The following DYRK4 variants were observed in gnomAD, a reference collection of about 807,000 sequenced individuals.
The protein encoded by DYRK4 is dual specificity tyrosine phosphorylation regulated kinase 4, also known as dual specificity tyrosine-phosphorylation-regulated kinase 4.
A neutral mutation model predicts 68.3 loss-of-function variants in DYRK4; 64 were observed. The ratio of observed to expected loss-of-function variants is 0.94; its 90% CI spans 0.77 to 1.15. DYRK4 has a LOEUF of 1.15. Among genes scored for constraint, DYRK4 ranks in the 50% most tolerant of loss-of-function variants. DYRK4 has a pLI of 0.00. For synonymous variants in DYRK4, 274 were observed against 289.9 expected (o/e 0.95, Z 0.56); for missense variants, 740 against 764.7 (o/e 0.97, Z 0.38).
chr12:4,602,925 G>T, intron 10 of DYRK4: 1 of 858,504 alleles, frequency 1.2e-6, no homozygotes, highest in Non-Finnish European at 1.9e-6. Flanking sequence ...GTGTCTTTTA[G>T]TGGAGGAACT....
At position 4,562,213 on chromosome 12, in the gene DYRK4, C is replaced by T; in HGVS notation, c.-33C>T. On this transcript the variant is annotated 5_prime_UTR_variant, in exon 1 of 15. Transcript: ENST00000543431. Reference sequence around the variant, plus strand: ...TTGCCCTCTGCCGGGCTCTCACAGCCTCCCGCAGCGGCGGGCGGTCAGCGC... The same window carrying T: ...TTGCCCTCTGCCGGGCTCTCACAGCTTCCCGCAGCGGCGGGCGGTCAGCGC... 7.9e-6 allele frequency: 12 copies of T among 1,524,390 alleles called. No homozygotes were observed. Among genetic ancestry groups the T allele is most frequent in the Non-Finnish European group, 9.6e-6 (11 of 1,141,338 alleles). 94.4% of individuals were successfully genotyped at this position (1,524,390 alleles called of 1,614,324 possible).
chr12:4,577,860 T>C (rs1398586669), intron 2 of DYRK4, among the ~76,000 whole-genome samples: 2 of 152,222 alleles, frequency 1.3e-5, no homozygotes, highest in Non-Finnish European at 2.9e-5. Flanking sequence ...GTCATATTTA[T>C]AGTTAAGTAT....
At chr12:4,605,728 G>GTTTTTTT (rs780888385) in intron 11 of DYRK4, among the ~76,000 whole-genome samples, 10 of 68,926 alleles carry the variant, frequency 1.5e-4, no homozygotes, top group African/African-American at 1.3e-4. Flanking sequence ...AATAGAGCTG[G>GTTTTTTT]GTTTTTTTTT....
chr12:4,588,123 G>A (rs540540673), intron 2 of DYRK4, among the ~76,000 whole-genome samples: 29 of 152,238 alleles, frequency 1.9e-4, no homozygotes, highest in Admixed American at 3.9e-4. Context: ...GCAGTGGCAC[G>A]ATCATAGCTC....
chr12:4,610,243 CTA>C lies in DYRK4; in HGVS notation c.1451_1452del (p.Tyr484Ter). On this transcript the variant is annotated frameshift_variant, in exon 13 of 15. Transcript: ENST00000543431. LOFTEE classifies it high-confidence loss of function. ...SKDLTMVLKT[Y>X]DTSFLDFLRR... ...AGGACCTCACGATGGTGCTGAAAAC[CTA>C]TGACACCAGCTTCCTGGACTTTCTC... 1 of 1,593,832 alleles carries C rather than the reference CTA, an allele frequency of 6.3e-7. No homozygotes were observed. Among genetic ancestry groups the C allele is most frequent in the South Asian group, 1.1e-5 (1 of 87,068 alleles).
At chr12:4,586,974 G>A (rs1335527825) in intron 2 of DYRK4, among the ~76,000 whole-genome samples, 2 of 152,126 alleles carry the variant, frequency 1.3e-5, no homozygotes, top group African/African-American at 4.8e-5. Context: ...AACTTGCCCA[G>A]GTTCAAACAA....
rs183841967 is a variant in DYRK4 at position 4,605,776 on chromosome 12, A to G, written c.1299+690A>G. On this transcript the variant is annotated intron_variant, in intron 11 of 14. Transcript: ENST00000543431. ...TTTTTCCAAATTAATGCCTATACCC[A>G]TAGGTGAATAATGCTTCTTGCTAGA... 3.3e-3 allele frequency among the ~76,000 whole-genome samples: 408 copies of G among 122,628 alleles called. 6 individuals are homozygous for G. The highest frequency in any genetic ancestry group is 0.012 in the African/African-American group (396 of 32,708). 80.4% of individuals were successfully genotyped at this position (122,628 alleles called of 152,430 possible). A position where few individuals can be genotyped will look rare whatever the true frequency, so the allele number is the denominator to read the frequency against.
chr12:4,602,135 T>C, intron 10 of DYRK4: 1 of 605,924 alleles, frequency 1.7e-6, no homozygotes, highest in Non-Finnish European at 3.1e-6. Flanking sequence ...CTCCCTTTTG[T>C]AATTAAGTTC....
At chr12:4,610,725 C>A (rs34283064) in intron 13 of DYRK4, among the ~76,000 whole-genome samples, 1,881 of 152,274 alleles carry the variant, frequency 0.012, 21 homozygotes, top group South Asian at 0.029. Flanking sequence ...GGCCTGTCCC[C>A]CTCCCCCTAG....
chr12:4,584,769 A>G (rs1199384959), intron 2 of DYRK4, among the ~76,000 whole-genome samples: 1 of 151,726 alleles, frequency 6.6e-6, no homozygotes, highest in Non-Finnish European at 1.5e-5. Flanking sequence ...GTTAGCCAGG[A>G]TGGTCTTGAT....
intron 2 of DYRK4, among the ~76,000 whole-genome samples, chr12:4,576,983 T>C (rs1355332697): frequency 3.9e-5 from 6 of 152,232 alleles, no homozygotes; most frequent in Non-Finnish European, 8.8e-5. Context: ...ACAAAGTCTT[T>C]TGCAAAGAAG....
rs1361791648 is a variant in DYRK4 at position 4,612,732 on chromosome 12, A to T, written c.1666+14A>T. 6.2e-7 allele frequency: 1 copy of T among 1,613,770 alleles called. No homozygotes were observed. The highest frequency in any genetic ancestry group is 8.5e-7 in the Non-Finnish European group (1 of 1,179,744). ...CGAGCAGAAAAGGTACAGCCTGTCA[A>T]ATAACCAGTCCTAGTCCCACAGTCC... On this transcript the variant is annotated intron_variant, in intron 14 of 14. Transcript: ENST00000543431.
intron 6 of DYRK4, among the ~76,000 whole-genome samples, chr12:4,595,535 C>T (rs1473912603): frequency 6.6e-6 from 1 of 152,150 alleles, no homozygotes; most frequent in Non-Finnish European, 1.5e-5. Context: ...GTGATTCTGG[C>T]TCTTGAAATA....
chr12:4,613,637 G>A lies in DYRK4; in HGVS notation c.1789G>A (p.Val597Ile). ...TGACACTGTTCAGCTGCCTCAACTG[G>A]TAGACGCTCCCAAGAAGTCAGAGGC... ...GADTVQLPQL[V>I]DAPKKSEAAV... The change falls in exon 15 of 15, where the codon GTA becomes ATA. Residue 597 changes from valine to isoleucine, a missense_variant. Physicochemically the swap from Val to Ile is conservative, Grantham distance 29. Coordinates refer to ENST00000543431, the MANE Select transcript of DYRK4 (RefSeq NM_001394779.1). The surrounding 1 kb of genome is among the most constrained non-coding windows in gnomAD (Gnocchi z 4.0). The A allele has an allele frequency of 1.2e-6, 2 of 1,614,004 alleles. No individual in the cohort carries two copies. Among genetic ancestry groups the A allele is most frequent in the Admixed American group, 1.7e-5 (1 of 60,026 alleles).
At chr12:4,593,267 CG>C in intron 6 of DYRK4, 102 bp downstream of exon 6, 1 of 1,315,876 alleles carries the variant, frequency 7.6e-7, no homozygotes, top group Non-Finnish European at 1.0e-6. Context: ...GGGGCTGATA[CG>C]TTGGAGACTA....
rs779992185 is a variant in DYRK4 at position 4,596,137 on chromosome 12, T to G, written c.628-12T>G. The G allele has an allele frequency of 4.3e-6, 7 of 1,613,618 alleles. No individual in the cohort carries two copies. In the Admixed American group the frequency reaches 1.2e-4, roughly 27 times the overall value. On this transcript the variant is annotated splice_polypyrimidine_tract_variant and intron_variant, in intron 6 of 14. Transcript: ENST00000543431. ...ATGGCTTTGCTCTTCACCTCCGGCC[T>G]GGCTTCCACAGGTCCTGCATGATCA...
chr12:4,604,950 C>G lies in DYRK4; in HGVS notation c.1163C>G (p.Pro388Arg). The change falls in exon 11 of 15, where the codon CCA (proline) becomes CGA (arginine). Residue 388 changes from proline to arginine, a missense_variant. Pro to Arg is a moderately radical substitution (Grantham distance 103). Transcript: ENST00000543431. ...TYIQSRFYRS[P>R]EVILGHPYDV... ...ATCCAAAGCCGGTTCTACCGATCCC[C>G]AGAAGTGATCCTGGGCCACCCCTAC... 1 of 1,613,022 alleles carries G rather than the reference C, an allele frequency of 6.2e-7. No homozygotes were observed. Among genetic ancestry groups the G allele is most frequent in the Non-Finnish European group, 8.5e-7 (1 of 1,179,410 alleles).
chr12:4,585,285 C>T (rs1306789892), intron 2 of DYRK4, among the ~76,000 whole-genome samples: 2 of 152,196 alleles, frequency 1.3e-5, no homozygotes, highest in Admixed American at 6.5e-5. Flanking sequence ...AGCGTAGTTT[C>T]CTTGATGCCT....
intron 4 of DYRK4, 95 bp downstream of exon 4, chr12:4,590,535 G>A: frequency 6.8e-7 from 1 of 1,479,874 alleles, no homozygotes; most frequent in Non-Finnish European, 8.9e-7. Context: ...GTGGGGAAAA[G>A]CACAGTAGCT....
Sources: gnomAD v4.1 joint callset for allele counts (sites outside exome capture counted in the v4.1 genomes callset) on GRCh38, gnomAD v4.1.1 for gene constraint, Gnocchi (gnomAD v3.1) non-coding constraint, MANE v1.5 for transcripts, NCBI Gene and HGNC (gene_info 2026-07-23, HGNC 2026-07-21) for gene names.